The following ABL1 variants were observed in gnomAD, a reference collection of about 807,000 sequenced individuals.
ABL1 encodes the protein ABL proto-oncogene 1, non-receptor tyrosine kinase.
A neutral mutation model predicts 94.7 loss-of-function variants in ABL1; 11 were observed. The ratio of observed to expected loss-of-function variants is 0.12; its 90% CI spans 0.07 to 0.19. The LOEUF (loss-of-function observed/expected upper bound fraction) is 0.19, where lower values mean the gene tolerates loss of function less well. Among genes scored for constraint, ABL1 ranks in the 10% least tolerant of loss-of-function variants. ABL1 has a pLI of 1.00. For synonymous variants in ABL1, 656 were observed against 622.4 expected (o/e 1.05, Z -0.80); for missense variants, 1,082 against 1,489.4 (o/e 0.73, Z 4.50).
intron 4 of ABL1, among the ~76,000 whole-genome samples, chr9:130,866,974 C>T (rs1454526813): frequency 6.6e-6 from 1 of 152,180 alleles, no homozygotes; most frequent in Non-Finnish European, 1.5e-5. Context: ...CTGTGCCCAG[C>T]TAAGAGGCTG....
Position 130,885,093 on chromosome 9 carries a change from A to C in ABL1, c.2803A>C (p.Thr935Pro). The change falls in exon 11 of 11, where the codon ACG becomes CCG. Residue 935 changes from threonine to proline, a missense_variant. Transcript: ENST00000318560. ...AGTCCTGGGCGCAAAGACAAAAGCC[A>C]CGAGTCTGGTTGATGCTGTGAACAG... ...EAVLGAKTKATSLVDAVNSDA... is the reference protein window; with the variant it reads ...EAVLGAKTKAPSLVDAVNSDA... The C allele has an allele frequency of 1.2e-6, 2 of 1,610,484 alleles. No individual in the cohort carries two copies. Among genetic ancestry groups the C allele is most frequent in the Non-Finnish European group, 1.7e-6 (2 of 1,178,440 alleles).
chr9:130,829,308 C>T (rs933310166), intron 1 of ABL1, among the ~76,000 whole-genome samples: 7 of 152,244 alleles, frequency 4.6e-5, no homozygotes, highest in Admixed American at 1.3e-4. Context: ...CACCTGTAAT[C>T]GCAGCACTTT....
chr9:130,868,021 G>A (rs138077479), intron 4 of ABL1, among the ~76,000 whole-genome samples: 182 of 151,680 alleles, frequency 1.2e-3, no homozygotes, highest in African/African-American at 4.2e-3. Flanking sequence ...GTACAGTGGC[G>A]TGATCTCGGC....
At chr9:130,732,417 T>C (rs576630169) in intron 1 of ABL1, among the ~76,000 whole-genome samples, 1 of 152,250 alleles carries the variant, frequency 6.6e-6, no homozygotes, top group Admixed American at 6.5e-5. Context: ...TGTTAAGCAG[T>C]GGAGAGACCC....
In ABL1 at chr9:130,719,234, A is replaced by G. The variant is rs117964060; in HGVS notation, c.136+4779A>G. 1.5e-3 allele frequency among the ~76,000 whole-genome samples: 226 copies of G among 152,084 alleles called. 4 individuals carry two copies. The East Asian group carries it at 0.035, about 24-fold the overall frequency. On this transcript the variant is annotated intron_variant, in intron 1 of 10. Transcript: ENST00000372348. ...ATCTTATAATACGAAAAATTCGAAG[A>G]TTTAAAAACTGAGGCCAGGCACGGT...
At chr9:130,789,523 CAT>C (rs1829875743) in intron 1 of ABL1, among the ~76,000 whole-genome samples, 1 of 135,882 alleles carries the variant, frequency 7.4e-6, no homozygotes, top group Non-Finnish European at 1.5e-5. Flanking sequence ...CAAAAAAGGA[CAT>C]ACACACACAC....
intron 1 of ABL1, among the ~76,000 whole-genome samples, chr9:130,795,043 C>A (rs545349338): frequency 6.6e-6 from 1 of 152,284 alleles, no homozygotes; most frequent in South Asian, 2.1e-4. Flanking sequence ...CTTCCCGTTT[C>A]TTCAGCACTG....
At chr9:130,850,806 C>G (rs1830844949) in intron 1 of ABL1, among the ~76,000 whole-genome samples, 1 of 152,196 alleles carries the variant, frequency 6.6e-6, no homozygotes, top group Non-Finnish European at 1.5e-5. Flanking sequence ...CGCACCCAGC[C>G]CCACATACCT....
chr9:130,849,391 G>T (rs1287785023), intron 1 of ABL1, among the ~76,000 whole-genome samples: 1 of 152,176 alleles, frequency 6.6e-6, no homozygotes, highest in Non-Finnish European at 1.5e-5. Context: ...GTATGAGAGT[G>T]CCCGTTTCTC....
In ABL1 at chr9:130,835,843, G is replaced by T. The variant is rs1316549614; in HGVS notation, c.79+318G>T. 1.3e-5 allele frequency among the ~76,000 whole-genome samples: 2 copies of T among 152,228 alleles called. No individual in the cohort carries two copies. Among genetic ancestry groups the T allele is most frequent in the Non-Finnish European group, 2.9e-5 (2 of 68,038 alleles). On this transcript the variant is annotated intron_variant, in intron 1 of 10. Transcript: ENST00000318560. This position sits in a 1 kb window ranked among gnomAD's most constrained non-coding sequence, Gnocchi z 4.6. ...CCCAGCCCCGGCACCAGCCCCGGTAGAGCCACGCCGGATGGTGACGGCGGC... is the reference window on the plus strand; with the variant it reads ...CCCAGCCCCGGCACCAGCCCCGGTATAGCCACGCCGGATGGTGACGGCGGC...
chr9:130,715,895 C>T (rs1438893564), intron 1 of ABL1, among the ~76,000 whole-genome samples: 7 of 152,028 alleles, frequency 4.6e-5, no homozygotes, highest in African/African-American at 7.2e-5. Context: ...GCTGTGTTGA[C>T]GTTTGCAGTA....
intron 1 of ABL1, among the ~76,000 whole-genome samples, chr9:130,792,636 A>G (rs1829924577): frequency 6.6e-6 from 1 of 152,188 alleles, no homozygotes; most frequent in Admixed American, 6.5e-5. Flanking sequence ...TGAGTAGGAC[A>G]TTTCAAGAGA....
intron 1 of ABL1, among the ~76,000 whole-genome samples, chr9:130,830,220 G>A (rs115775986): frequency 0.014 from 2,116 of 152,164 alleles, 39 homozygotes; most frequent in African/African-American, 0.049. Flanking sequence ...AAATATAGTA[G>A]TCTTACTGTA....
At chr9:130,727,188 T>C (rs1198864859) in intron 1 of ABL1, among the ~76,000 whole-genome samples, 3 of 152,134 alleles carry the variant, frequency 2.0e-5, no homozygotes, top group African/African-American at 7.2e-5. Context: ...ATCTTCTATA[T>C]TCTTACTTTT....
intron 1 of ABL1, among the ~76,000 whole-genome samples, chr9:130,766,218 C>T (rs1832181234): frequency 6.6e-6 from 1 of 152,230 alleles, no homozygotes; most frequent in South Asian, 2.1e-4. Flanking sequence ...CCCCAGTGCC[C>T]CCGCCAGCCT....
intron 3 of ABL1, among the ~76,000 whole-genome samples, chr9:130,857,773 C>T (rs886218090): frequency 4.6e-5 from 7 of 152,136 alleles, no homozygotes; most frequent in African/African-American, 1.7e-4. Flanking sequence ...ATGCTTTCCA[C>T]CACTGCAGAA....
chr9:130,731,804 A>G (rs911173957), intron 1 of ABL1, among the ~76,000 whole-genome samples: 8 of 152,152 alleles, frequency 5.3e-5, no homozygotes, highest in Non-Finnish European at 8.8e-5. Context: ...AATACCCTTA[A>G]GGATTTTCTT....
chr9:130,793,447 C>T (rs1353535301), intron 1 of ABL1, among the ~76,000 whole-genome samples: 2 of 152,168 alleles, frequency 1.3e-5, no homozygotes, highest in African/African-American at 4.8e-5. Context: ...GGTATCCATA[C>T]TAATCAGGAT....
chr9:130,818,125 A>C (rs576867964), intron 1 of ABL1, among the ~76,000 whole-genome samples: 1 of 152,164 alleles, frequency 6.6e-6, no homozygotes, highest in Non-Finnish European at 1.5e-5. Flanking sequence ...ACTTGTCTCT[A>C]TTCTCTTAAC....
Sources: gnomAD v4.1 joint callset for allele counts (sites outside exome capture counted in the v4.1 genomes callset) on GRCh38, gnomAD v4.1.1 for gene constraint, Gnocchi (gnomAD v3.1) non-coding constraint, MANE v1.5 for transcripts, NCBI Gene and HGNC (gene_info 2026-07-23, HGNC 2026-07-21) for gene names.